BEST1: variants seen among roughly 807,000 people sequenced by gnomAD.
The protein encoded by BEST1 is bestrophin-1.
BEST1 carries 58 observed loss-of-function variants against 63.3 expected under a neutral mutation model. The ratio of observed to expected loss-of-function variants is 0.92; its 90% CI spans 0.74 to 1.14. The LOEUF (loss-of-function observed/expected upper bound fraction) is 1.14. Ranked by LOEUF, BEST1 falls within the 50% of genes most tolerant of loss-of-function variation. The pLI, the probability that BEST1 is intolerant of heterozygous loss-of-function variation, is 0.00. For missense variants in BEST1, 671 were observed against 740.1 expected (o/e 0.91, Z 1.08); for synonymous variants, 283 against 291.6 (o/e 0.97, Z 0.30).
intron 9 of BEST1, 199 bp from the exon 10 acceptor site, chr11:61,962,052 CAGTG>C: frequency 1.6e-6 from 1 of 612,636 alleles, no homozygotes; most frequent in Non-Finnish European, 2.9e-6. Flanking sequence ...AATCAACAAA[CAGTG>C]AGGTGAGCTG....
chr11:61,955,942 G>C lies in BEST1; in HGVS notation c.472G>C (p.Val158Leu). 2 of 1,547,350 alleles carry C rather than the reference G, an allele frequency of 1.3e-6. No homozygotes were observed. The highest frequency in any genetic ancestry group is 1.7e-6 in the Non-Finnish European group (2 of 1,145,096). The change falls in exon 4 of 11, where the codon GTG becomes CTG. Residue 158 changes from valine to leucine, a missense_variant. Transcript: ENST00000378043. ...GCGCTTCCCCAGCGCCCAGCACCTG[G>C]TGCAAGCAGGTGGGCGGACCGGGAG... is the stretch of plus-strand genomic sequence containing the variant. ...YKRFPSAQHLVQAGFMTPAEH... is the reference protein window; with the variant it reads ...YKRFPSAQHLLQAGFMTPAEH...
chr11:61,958,914 ACACACACACG>A (rs772487560), intron 7 of BEST1: 14,208 of 193,318 alleles, frequency 0.073, 1,933 homozygotes, highest in East Asian at 0.13. Context: ...ACATACACAC[ACACACACACG>A]CATTCCTATT....
Position 61,963,126 on chromosome 11 carries a change from T to C in BEST1, c.1739+233T>C, listed in dbSNP as rs1031969002. On this transcript the variant is annotated intron_variant, in intron 10 of 10. Transcript: ENST00000378043. Reference sequence around the variant, plus strand: ...ACCCTGGTATCACCCGGAAGACTTCTTGGGACCAGGTGAAGGAAGATGAGG... The same window carrying C: ...ACCCTGGTATCACCCGGAAGACTTCCTGGGACCAGGTGAAGGAAGATGAGG... 3.4e-6 allele frequency: 5 copies of C among 1,458,878 alleles called. No homozygotes were observed. The African/African-American group carries it at 4.3e-5, about 13-fold the overall frequency. 90.4% of individuals were successfully genotyped at this position (1,458,878 alleles called of 1,614,324 possible).
In BEST1 at chr11:61,955,190, C is replaced by T; in HGVS notation, c.236C>T (p.Ser79Phe). 6.2e-7 allele frequency: 1 copy of T among 1,614,198 alleles called. No homozygotes were observed. The highest frequency in any genetic ancestry group is 1.3e-5 in the African/African-American group (1 of 75,048). Residue 79 changes from serine (S) to phenylalanine (F), a missense_variant, in exon 3 of 11, where the codon TCC becomes TTC. Transcript: ENST00000378043. ...CDSYIQLIPI[S>F]FVLGFYVTLV... ...AGCTACATCCAGCTCATCCCCATTT[C>T]CTTCGTGCTGGGTGAGTTCCCCCTT...
At chr11:61,963,283 A>G (rs764754599) in intron 10 of BEST1, 22 of 1,372,394 alleles carry the variant, frequency 1.6e-5, no homozygotes, top group Non-Finnish European at 2.1e-5. Context: ...GGTGGCAGTC[A>G]GCTGGATGAC....
At position 61,956,161 on chromosome 11, in the gene BEST1, C is replaced by CG. The variant is rs369434976; in HGVS notation, c.481+211dup. Among the ~76,000 whole-genome samples the CG allele has an allele frequency of 0.021, 3,134 of 152,104 alleles. 117 individuals are homozygous for CG. Among genetic ancestry groups the CG allele is most frequent in the Admixed American group, 0.1 (1,567 of 15,286 alleles). On this transcript the variant is annotated intron_variant, in intron 4 of 10. Transcript: ENST00000378043. ...GGGGCGAGGCCAGGAGCCCACCCTC[C>CG]GAGAGTAGGAGTCTGAGGCAGGGCT...
chr11:61,951,897 C>T lies in BEST1; in HGVS notation c.91C>T (p.Leu31=). 2 of 1,613,506 alleles carry T rather than the reference C, an allele frequency of 1.2e-6. No individual in the cohort carries two copies. Among genetic ancestry groups the T allele is most frequent in the Non-Finnish European group, 1.7e-6 (2 of 1,179,886 alleles). The change falls in exon 2 of 11, where the codon CTG becomes TTG. Residue 31 remains leucine (L), a synonymous_variant. Coordinates refer to ENST00000378043, the MANE Select transcript of BEST1 (RefSeq NM_004183.4). ...LLCWRGSIYK[L]LYGEFLIFLL... is the part of the protein sequence containing the mutation. Reference sequence around the variant, plus strand: ...GTGCTGGCGGGGCAGCATCTACAAGCTGCTATATGGCGAGTTCTTAATCTT... The same window carrying T: ...GTGCTGGCGGGGCAGCATCTACAAGTTGCTATATGGCGAGTTCTTAATCTT...
rs1942382943 is a variant in BEST1 at position 61,964,390 on chromosome 11, A to G, written c.*268A>G. 1 of 671,516 alleles carries G rather than the reference A, an allele frequency of 1.5e-6. No individual in the cohort carries two copies. The highest frequency in any genetic ancestry group is 1.8e-5 in the African/African-American group (1 of 55,230). The allele number at this position is 671,516 out of a possible 1,614,324, so 41.6% of individuals were successfully genotyped here. A position where few individuals can be genotyped will look rare whatever the true frequency, so the allele number is the denominator to read the frequency against. On this transcript the variant is annotated 3_prime_UTR_variant, in exon 11 of 11. Transcript: ENST00000378043. ...TTCAGAGTCGGGAACCCTTAGTTCT[A>G]TCTGAATCCAAGACAGCCACACCTT...
At chr11:61,960,301 C>G in intron 9 of BEST1, 5 of 581,274 alleles carry the variant, frequency 8.6e-6, no homozygotes, top group Non-Finnish European at 1.5e-5. Flanking sequence ...GGTGCATTTG[C>G]TACTCGAAGG....
At chr11:61,963,496 GAT>G in intron 10 of BEST1, 1 of 1,066,618 alleles carries the variant, frequency 9.4e-7, no homozygotes, top group Non-Finnish European at 1.1e-6. Flanking sequence ...CACAAAATCA[GAT>G]ATTTCCCTTT....
At chr11:61,960,927 G>C (rs1212027732) in intron 9 of BEST1, 1 of 152,368 alleles carries the variant, frequency 6.6e-6, no homozygotes, top group African/African-American at 2.4e-5. Context: ...GGACAACAGA[G>C]TTGAAAGTGC....
At chr11:61,958,552 T>G (rs1471071698) in intron 7 of BEST1, 2 of 903,022 alleles carry the variant, frequency 2.2e-6, no homozygotes, top group East Asian at 2.7e-5. Flanking sequence ...AGAATGAAAC[T>G]CTATCTCAAA....
intron 10 of BEST1, chr11:61,963,610 G>T (rs1942299929): frequency 9.7e-7 from 1 of 1,027,244 alleles, no homozygotes; most frequent in South Asian, 3.7e-5. Flanking sequence ...TTCTCAAGCA[G>T]TTACTTTCAC....
At position 61,955,935 on chromosome 11, in the gene BEST1, G is replaced by C; in HGVS notation, c.465G>C (p.Gln155His). 6.5e-7 allele frequency: 1 copy of C among 1,548,826 alleles called. No individual in the cohort carries two copies. The highest frequency in any genetic ancestry group is 8.7e-7 in the Non-Finnish European group (1 of 1,146,126). Residue 155 changes from glutamine to histidine, a missense_variant, in exon 4 of 11, where the codon CAG becomes CAC. Transcript: ENST00000378043. ...TAVYKRFPSA[Q>H]HLVQAGFMTP... ...TCTACAAGCGCTTCCCCAGCGCCCA[G>C]CACCTGGTGCAAGCAGGTGGGCGGA... is the stretch of plus-strand genomic sequence containing the variant.
chr11:61,957,586 A>C (rs1941523223), intron 6 of BEST1, 122 bp downstream of exon 6: 2 of 926,610 alleles, frequency 2.2e-6, no homozygotes, highest in Admixed American at 3.9e-5. Context: ...TTGGGTCCAC[A>C]CTTTGAAGTT....
At chr11:61,957,898 C>T (rs866147123) in intron 6 of BEST1, among the ~76,000 whole-genome samples, 6 of 152,128 alleles carry the variant, frequency 3.9e-5, no homozygotes, top group Middle Eastern at 3.4e-3. Flanking sequence ...CGCTTGAACC[C>T]GGGAGGTGGA....
At chr11:61,960,298 T>G in intron 9 of BEST1, 1 of 584,258 alleles carries the variant, frequency 1.7e-6, no homozygotes, top group Non-Finnish European at 3.0e-6. Context: ...AATGGTGCAT[T>G]TGCTACTCGA....
intron 5 of BEST1, 91 bp downstream of exon 5, chr11:61,957,089 C>G: frequency 6.3e-7 from 1 of 1,580,146 alleles, no homozygotes. Context: ...AGCCTTGGGC[C>G]CCTGAGGGTC....
Position 61,956,990 on chromosome 11 carries a change from C to G in BEST1, c.628C>G (p.Leu210Val). ...CCGGGACCCTATCCTGCTCCAGAGC[C>G]TGCTGAACGTGAGCCCACTGTACAG... ...RIRDPILLQS[L>V]LNEMNTLRTQ... The change falls in exon 5 of 11, where the codon CTG becomes GTG. Residue 210 changes from leucine (L) to valine (V), a missense_variant. Physicochemically the swap from Leu to Val is conservative, Grantham distance 32. Coordinates refer to ENST00000378043, the MANE Select transcript of BEST1 (RefSeq NM_004183.4). 1 of 1,614,158 alleles carries G rather than the reference C, an allele frequency of 6.2e-7. No individual in the cohort carries two copies. The highest frequency in any genetic ancestry group is 8.5e-7 in the Non-Finnish European group (1 of 1,180,020).
Sources: gnomAD v4.1 joint callset for allele counts (sites outside exome capture counted in the v4.1 genomes callset) on GRCh38, gnomAD v4.1.1 for gene constraint, MANE v1.5 for transcripts, NCBI Gene and HGNC (gene_info 2026-07-23, HGNC 2026-07-21) for gene names.